Variants in LMBR1L observed in about 807,000 individuals in gnomAD.
LMBR1L encodes the protein protein LMBR1L.
Under a neutral mutation model 67.3 loss-of-function variants are expected in LMBR1L, and 47 were observed. The ratio of observed to expected loss-of-function variants is 0.70; its 90% CI spans 0.55 to 0.89. The LOEUF (loss-of-function observed/expected upper bound fraction) is 0.89, where lower values mean the gene tolerates loss of function less well. Ranked by LOEUF, LMBR1L falls within the 40% of genes least tolerant of loss-of-function variation. The probability of loss-of-function intolerance (pLI) is 0.00; values close to 1 mark genes in which losing one functional copy is unlikely to be tolerated. For missense variants in LMBR1L, 533 were observed against 599.2 expected (o/e 0.89, Z 1.15); for synonymous variants, 247 against 250.3 (o/e 0.99, Z 0.13).
intron 15 of LMBR1L, among the ~76,000 whole-genome samples, chr12:49,098,746 G>C (rs1939726659): frequency 6.6e-6 from 1 of 152,138 alleles, no homozygotes; most frequent in Admixed American, 6.6e-5. Context: ...AAATTCTCCT[G>C]GCATAAATAC....
rs757329233 is a variant in LMBR1L, at chr12:49,101,452, G to A, written c.1008+20C>T. The A allele has an allele frequency of 6.2e-7, 1 of 1,612,494 alleles. No individual in the cohort carries two copies. Among genetic ancestry groups the A allele is most frequent in the Non-Finnish European group, 8.5e-7 (1 of 1,178,666 alleles). ...TCTTAGGCCCTCCCCAAAGGATATG[G>A]TGGGAGGGCAGCCTGGTACCTGCAT... On this transcript the variant is annotated intron_variant, in intron 12 of 16. Coordinates refer to ENST00000267102, the MANE Select transcript of LMBR1L (RefSeq NM_018113.4).
rs1259070981 is a variant in LMBR1L at position 49,100,387 on chromosome 12, C to T, written c.1240+1G>A. On this transcript the variant is annotated splice_donor_variant, in intron 15 of 16. Transcript: ENST00000267102. LOFTEE classifies it high-confidence loss of function. The stretch of plus-strand genomic sequence containing the variant: ...CTTTATCTCCTCCTTTCAATACTTA[C>T]CCAGGGTTCGAGAGAAGACAGGAAG... The T allele has an allele frequency of 1.9e-6, 3 of 1,611,590 alleles. No homozygotes were observed. Among genetic ancestry groups the T allele is most frequent in the Non-Finnish European group, 2.5e-6 (3 of 1,177,694 alleles).
chr12:49,101,208 G>A (rs750120444), intron 13 of LMBR1L, 42 bp downstream of exon 13: 2 of 1,614,058 alleles, frequency 1.2e-6, no homozygotes, highest in South Asian at 2.2e-5. Flanking sequence ...CCAGGAGACA[G>A]GTTTGCTGAA....
intron 6 of LMBR1L, 57 bp from the exon 7 acceptor site, chr12:49,103,216 G>A: frequency 6.8e-7 from 1 of 1,462,730 alleles, no homozygotes; most frequent in South Asian, 1.2e-5. Flanking sequence ...CTGTCCCCAG[G>A]CTGACAGGCC....
At position 49,101,273 on chromosome 12, in the gene LMBR1L, G is replaced by A. The variant is rs776025635; in HGVS notation, c.1059C>T (p.Ala353=). The change falls in exon 13 of 17, where the codon GCC becomes GCT. Residue 353 remains alanine (A), a synonymous_variant. Coordinates refer to ENST00000267102, the MANE Select transcript of LMBR1L (RefSeq NM_018113.4). ...ACAAGATGAGTACAACCTGAATGAC[G>A]GCACCAAAGGAGCCCAGCTTGGAGA... The part of the protein sequence containing the change: ...VSFSKLGSFG[A]VIQVVLIFYL... The A allele has an allele frequency of 2.1e-5, 34 of 1,613,996 alleles. No homozygotes were observed. The highest frequency in any genetic ancestry group is 2.7e-5 in the Non-Finnish European group (32 of 1,180,040).
intron 1 of LMBR1L, among the ~76,000 whole-genome samples, chr12:49,107,344 G>A (rs1027095542): frequency 2.2e-4 from 33 of 152,220 alleles, no homozygotes; most frequent in Admixed American, 2.6e-4. Context: ...ACTCTGGTTG[G>A]TAAATGGGCA....
intron 11 of LMBR1L, 47 bp from the exon 12 acceptor site, chr12:49,101,596 G>C (rs1433557251): frequency 7.1e-7 from 1 of 1,416,764 alleles, no homozygotes; most frequent in African/African-American, 1.4e-5. Flanking sequence ...GACCACAGCT[G>C]GACCCAGAGC....
At chr12:49,105,047 C>A (rs1174137605) in intron 3 of LMBR1L, 162 bp from the exon 4 acceptor site, 1 of 725,544 alleles carries the variant, frequency 1.4e-6, no homozygotes, top group African/African-American at 1.8e-5. Flanking sequence ...CCCACTGCCA[C>A]CCCACCCTAG....
At chr12:49,103,303 C>G in intron 6 of LMBR1L, 144 bp from the exon 7 acceptor site, 1 of 711,560 alleles carries the variant, frequency 1.4e-6, no homozygotes, top group Non-Finnish European at 2.4e-6. Context: ...CCAGCATTAG[C>G]AGAATAGGGA....
At chr12:49,101,807 A>C (rs1940227799) in intron 11 of LMBR1L, 1 of 582,978 alleles carries the variant, frequency 1.7e-6, no homozygotes, top group Non-Finnish European at 3.0e-6. Context: ...AACTGATGAG[A>C]TCTATAACTG....
In LMBR1L at chr12:49,098,059, C is replaced by A; in HGVS notation, c.1287G>T (p.Trp429Cys). ...DLLGDFGRFN[W>C]LGNFYIVFLY... ...GGAACACAATGTAGAAATTGCCCAG[C>A]CAGTTGAAGCGTCCAAAGTCACCCA... Residue 429 changes from tryptophan (W) to cysteine (C), a missense_variant, in exon 16 of 17, where the codon TGG becomes TGT. By Grantham distance (215) the Trp-to-Cys change is radical. Around this residue, in one of 3 missense-constraint regions of LMBR1L, gnomAD observed 223 missense variants for 241.2 expected, o/e 0.92. Coordinates refer to ENST00000267102, the MANE Select transcript of LMBR1L (RefSeq NM_018113.4). 1 of 1,614,130 alleles carries A rather than the reference C, an allele frequency of 6.2e-7. No homozygotes were observed. Among genetic ancestry groups the A allele is most frequent in the Admixed American group, 1.7e-5 (1 of 60,020 alleles).
chr12:49,108,494 G>A (rs147568845), intron 1 of LMBR1L, among the ~76,000 whole-genome samples: 82 of 151,440 alleles, frequency 5.4e-4, no homozygotes, highest in African/African-American at 2.0e-3. Context: ...CCCGGGAGGC[G>A]GAGGTTGTAG....
Position 49,100,586 on chromosome 12 carries a change from C to T in LMBR1L, c.1143G>A (p.Arg381=), listed in dbSNP as rs369461902. The change falls in exon 14 of 17, where the codon CGG becomes CGA. Residue 381 remains arginine (R), a synonymous_variant. Transcript: ENST00000267102. ...FYSSPLFRSL[R]PRWHDTAMTQ... is the part of the protein sequence containing the mutation. ...TCATGGCAGTGTCGTGCCATCTGGGCCGCAGGCTCCGGAAGAGTGGAGAGC... is the reference window on the plus strand; with the variant it reads ...TCATGGCAGTGTCGTGCCATCTGGGTCGCAGGCTCCGGAAGAGTGGAGAGC... 18 of 1,614,062 alleles carry T rather than the reference C, an allele frequency of 1.1e-5. No individual in the cohort carries two copies. Among genetic ancestry groups the T allele is most frequent in the Admixed American group, 1.7e-5 (1 of 60,002 alleles).
At position 49,100,576 on chromosome 12, in the gene LMBR1L, G is replaced by C. The variant is rs777237286; in HGVS notation, c.1153C>G (p.His385Asp). Residue 385 changes from histidine to aspartate, a missense_variant, in exon 14 of 17, where the codon CAC becomes GAC. His to Asp is a moderately conservative substitution (Grantham distance 81). This residue lies in a region of LMBR1L where 223 missense variants were observed against 241.2 expected (regional missense o/e 0.92). Transcript: ENST00000267102. ...GCTACCTGCGTCATGGCAGTGTCGT[G>C]CCATCTGGGCCGCAGGCTCCGGAAG... is the stretch of plus-strand genomic sequence containing the variant. ...PLFRSLRPRW[H>D]DTAMTQIIGN... 5 of 1,614,124 alleles carry C rather than the reference G, an allele frequency of 3.1e-6. No individual in the cohort carries two copies. In the East Asian group the frequency reaches 1.1e-4, roughly 36 times the overall value.
chr12:49,097,841 C>A (rs1565579851), intron 16 of LMBR1L, 102 bp from the exon 17 acceptor site: 10 of 1,596,072 alleles, frequency 6.3e-6, no homozygotes, highest in Non-Finnish European at 8.6e-6. Context: ...ACGTTACCCA[C>A]AAAGCAGGAA....
At chr12:49,104,621 G>A in intron 4 of LMBR1L, 70 bp from the exon 5 acceptor site, 1 of 1,559,658 alleles carries the variant, frequency 6.4e-7, no homozygotes, top group Non-Finnish European at 8.8e-7. Context: ...CTGACCATTT[G>A]CAGGAGAAGC....
intron 8 of LMBR1L, 58 bp downstream of exon 8, chr12:49,102,829 G>A: frequency 6.7e-7 from 1 of 1,498,722 alleles, no homozygotes. Context: ...TCATTGTTTG[G>A]TTCCAGCTCT....
intron 5 of LMBR1L, chr12:49,104,244 T>A (rs1940593698): frequency 1.7e-6 from 1 of 580,310 alleles, no homozygotes; most frequent in Non-Finnish European, 3.1e-6. Flanking sequence ...TTCACATCCC[T>A]GGCTTCAGCT....
chr12:49,101,710 G>A (rs1433666224), intron 11 of LMBR1L, 161 bp from the exon 12 acceptor site: 4 of 608,866 alleles, frequency 6.6e-6, no homozygotes, highest in Non-Finnish European at 1.2e-5. Flanking sequence ...TAGCAACAGA[G>A]TGCCTTTGAG....
Sources: allele counts gnomAD v4.1 joint callset (sites outside exome capture counted in the v4.1 genomes callset), GRCh38; gene constraint gnomAD v4.1.1; regional missense constraint gnomAD v4.1.1; transcripts MANE v1.5; gene names NCBI Gene and HGNC (gene_info 2026-07-23, HGNC 2026-07-21).